Variants in IGF1R observed in about 807,000 individuals in gnomAD.
The protein encoded by IGF1R is insulin like growth factor 1 receptor.
In IGF1R, 44 loss-of-function variants were observed where a neutral mutation model predicts 144.6. The observed-to-expected ratio is 0.30, with a 90% confidence interval of 0.24 to 0.39. IGF1R has a LOEUF of 0.39. Among genes scored for constraint, IGF1R ranks in the 10% least tolerant of loss-of-function variants. The pLI, the probability that IGF1R is intolerant of heterozygous loss-of-function variation, is 1.00. For missense variants in IGF1R, 1,355 were observed against 1,833.7 expected, an observed-to-expected ratio of 0.74 and a Z score of 4.77; for synonymous variants, 795 against 722.8, an observed-to-expected ratio of 1.10 and a Z score of -1.60.
chr15:98,671,350 A>G (rs543335327), intron 1 of IGF1R, among the ~76,000 whole-genome samples: 1 of 152,362 alleles, frequency 6.6e-6, no homozygotes, highest in East Asian at 1.9e-4. Flanking sequence ...ACATTGGGAA[A>G]GAATGAGAAA....
At chr15:98,769,590 G>A (rs1344031943) in intron 2 of IGF1R, among the ~76,000 whole-genome samples, 2 of 152,192 alleles carry the variant, frequency 1.3e-5, no homozygotes, top group South Asian at 2.1e-4. Context: ...GAATCACAGC[G>A]TGTTGTACTG....
chr15:98,733,488 G>GTT (rs112182962), intron 2 of IGF1R, among the ~76,000 whole-genome samples: 191 of 147,898 alleles, frequency 1.3e-3, no homozygotes, highest in African/African-American at 1.7e-3. Context: ...GGCTGAGAAG[G>GTT]TTTTTTTTTT....
chr15:98,832,680 C>G lies in IGF1R; in HGVS notation c.641-58645C>G, dbSNP rs577760085. On this transcript the variant is annotated intron_variant, in intron 2 of 20. Coordinates refer to ENST00000650285, the MANE Select transcript of IGF1R (RefSeq NM_000875.5). ...GTTAGGTGGGACACCTAATAAAGCT[C>G]TAGGCTCCTTTCTTTTCCTCTTTTA... Among the ~76,000 whole-genome samples, 144 of 152,290 alleles carry G rather than the reference C, an allele frequency of 9.5e-4. 1 individual carries two copies. In the Middle Eastern group the frequency reaches 0.01, roughly 11 times the overall value.
chr15:98,650,618 G>C (rs570309613), intron 1 of IGF1R, among the ~76,000 whole-genome samples: 1 of 152,256 alleles, frequency 6.6e-6, no homozygotes, highest in African/African-American at 2.4e-5. Context: ...GCGGGGTGTA[G>C]TCGCCGCCTC....
chr15:98,821,718 A>G (rs1334069142), intron 2 of IGF1R, among the ~76,000 whole-genome samples: 1 of 152,222 alleles, frequency 6.6e-6, no homozygotes, highest in Non-Finnish European at 1.5e-5. Context: ...CCCGGAAACC[A>G]CTAGCCCATT....
intron 2 of IGF1R, among the ~76,000 whole-genome samples, chr15:98,880,174 A>G (rs566798702): frequency 2.0e-5 from 3 of 152,292 alleles, no homozygotes; most frequent in African/African-American, 7.2e-5. Flanking sequence ...AGGAAGGGGA[A>G]GCATCCTATA....
chr15:98,943,894 C>T (rs2016456262), intron 19 of IGF1R, among the ~76,000 whole-genome samples: 1 of 151,978 alleles, frequency 6.6e-6, no homozygotes, highest in African/African-American at 2.4e-5. Flanking sequence ...TTTTTTTTAA[C>T]CTCGTAAACC....
chr15:98,855,715 G>T (rs1362131852), intron 2 of IGF1R, among the ~76,000 whole-genome samples: 25 of 152,184 alleles, frequency 1.6e-4, no homozygotes, highest in Non-Finnish European at 1.5e-5. Flanking sequence ...TTATAGGTCA[G>T]ACTTCTGGAA....
At chr15:98,861,246 A>G (rs1316729514) in intron 2 of IGF1R, among the ~76,000 whole-genome samples, 1 of 152,220 alleles carries the variant, frequency 6.6e-6, no homozygotes, top group Non-Finnish European at 1.5e-5. Context: ...GTTCAATGAC[A>G]TAGTATTTTA....
At chr15:98,775,022 T>C (rs1204029728) in intron 2 of IGF1R, among the ~76,000 whole-genome samples, 2 of 152,160 alleles carry the variant, frequency 1.3e-5, no homozygotes, top group Non-Finnish European at 2.9e-5. Context: ...GAGTCCTGGC[T>C]CCACTGGAGG....
At chr15:98,714,145 C>T (rs2054059785) in intron 2 of IGF1R, among the ~76,000 whole-genome samples, 1 of 151,810 alleles carries the variant, frequency 6.6e-6, no homozygotes, top group Non-Finnish European at 1.5e-5. Flanking sequence ...GATGGCATCT[C>T]ACTGACTTAA....
rs892519436 is a variant in IGF1R, at chr15:98,957,221, C to G, written c.3883C>G (p.Leu1295Val). ...GCTGCCCGAGCCGGAGGAGCTGGAC[C>G]TGGAGCCAGAGAACATGGAGAGCGT... ...NKLPEPEELD[L>V]EPENMESVPL... Residue 1295 changes from leucine (L) to valine (V), a missense_variant, in exon 21 of 21, where the codon CTG becomes GTG. Physicochemically the swap from Leu to Val is conservative, Grantham distance 32 (BLOSUM62 1). Around this residue, in one of 7 missense-constraint regions of IGF1R, gnomAD observed 219 missense variants for 188.8 expected, o/e 1.16. Transcript: ENST00000650285. 4 of 1,614,250 alleles carry G rather than the reference C, an allele frequency of 2.5e-6. No homozygotes were observed. Among genetic ancestry groups the G allele is most frequent in the Non-Finnish European group, 3.4e-6 (4 of 1,180,048 alleles).
At chr15:98,656,535 C>T (rs970307902) in intron 1 of IGF1R, among the ~76,000 whole-genome samples, 12 of 151,988 alleles carry the variant, frequency 7.9e-5, no homozygotes, top group African/African-American at 2.7e-4. Context: ...GGTGACAGAG[C>T]GAGACTCCAT....
intron 15 of IGF1R, among the ~76,000 whole-genome samples, chr15:98,932,477 C>T (rs1442315843): frequency 2.0e-5 from 3 of 152,154 alleles, no homozygotes; most frequent in Non-Finnish European, 4.4e-5. Flanking sequence ...TGCTTAAAGT[C>T]GGAGCCGTTG....
At chr15:98,835,507 T>C (rs1245202042) in intron 2 of IGF1R, among the ~76,000 whole-genome samples, 1 of 152,210 alleles carries the variant, frequency 6.6e-6, no homozygotes, top group Non-Finnish European at 1.5e-5. Context: ...GCTTCCATAG[T>C]TGTCTTAATA....
Position 98,916,820 on chromosome 15 carries a change from G to T in IGF1R, c.2145G>T (p.Glu715Asp), listed in dbSNP as rs1386504777. Residue 715 changes from glutamate (E) to aspartate (D), a missense_variant, in exon 10 of 21, where the codon GAG (glutamate) becomes GAT (aspartate). Transcript: ENST00000650285. ...TEAEKQAEKE[E>D]AEYRKVFENF... ...CCGAGAAGCAGGCCGAGAAGGAGGA[G>T]GCTGAATACCGCAAAGTCTTTGAGA... The T allele has an allele frequency of 6.2e-7, 1 of 1,613,968 alleles. No individual in the cohort carries two copies. The highest frequency in any genetic ancestry group is 1.1e-5 in the South Asian group (1 of 91,076).
At chr15:98,914,981 G>A (rs997558936) in intron 8 of IGF1R, among the ~76,000 whole-genome samples, 4 of 152,222 alleles carry the variant, frequency 2.6e-5, no homozygotes, top group Non-Finnish European at 4.4e-5. Flanking sequence ...CCTTAAAGAT[G>A]TTCAGAACCT....
At chr15:98,668,581 G>A (rs2052802848) in intron 1 of IGF1R, among the ~76,000 whole-genome samples, 2 of 152,160 alleles carry the variant, frequency 1.3e-5, no homozygotes, top group African/African-American at 2.4e-5. Flanking sequence ...CTCAATTATT[G>A]AGAAATTTTA....
Position 98,936,342 on chromosome 15 carries a change from C to G in IGF1R, c.3297+916C>G, listed in dbSNP as rs543356327. 1.1e-4 allele frequency among the ~76,000 whole-genome samples: 17 copies of G among 152,366 alleles called. No homozygotes were observed. In the South Asian group the frequency reaches 1.4e-3, roughly 13 times the overall value. ...TAAAAGTCACCGTGGTGTCTCCCCC[C>G]TCTGTAGTATTAACCCACAGGCCAG... On this transcript the variant is annotated intron_variant, in intron 17 of 20. Transcript: ENST00000650285.
Sources: gnomAD v4.1 joint callset for allele counts (sites outside exome capture counted in the v4.1 genomes callset) on GRCh38, gnomAD v4.1.1 for gene constraint, gnomAD v4.1.1 regional missense constraint, MANE v1.5 for transcripts, NCBI Gene and HGNC (gene_info 2026-07-23, HGNC 2026-07-21) for gene names.